Variants in PLXNA2 observed in about 807,000 individuals in gnomAD.
The protein encoded by PLXNA2 is plexin A2.
PLXNA2 carries 91 observed loss-of-function variants against 193.5 expected under a neutral mutation model. The ratio of observed to expected loss-of-function variants is 0.47; its 90% CI spans 0.40 to 0.56. PLXNA2 has a LOEUF of 0.56. Ranked by LOEUF, PLXNA2 falls within the 20% of genes least tolerant of loss-of-function variation. PLXNA2 has a pLI of 0.00. For synonymous variants in PLXNA2, 997 were observed against 1,027.3 expected (o/e 0.97, Z 0.56); for missense variants, 1,995 against 2,503.2 (o/e 0.80, Z 4.33).
chr1:208,240,134 C>T (rs1461865074), intron 1 of PLXNA2, among the ~76,000 whole-genome samples: 1 of 152,220 alleles, frequency 6.6e-6, no homozygotes, highest in Non-Finnish European at 1.5e-5. Context: ...CTCCTCTCCC[C>T]TTACACTCTT....
intron 11 of PLXNA2, among the ~76,000 whole-genome samples, chr1:208,081,967 C>T (rs1666358267): frequency 6.6e-6 from 1 of 152,184 alleles, no homozygotes; most frequent in Non-Finnish European, 1.5e-5. Context: ...CTGGACTCTG[C>T]ATGCTGCTCT....
chr1:208,119,232 G>A (rs1667733344), intron 4 of PLXNA2, among the ~76,000 whole-genome samples: 1 of 152,198 alleles, frequency 6.6e-6, no homozygotes, highest in South Asian at 2.1e-4. Flanking sequence ...CCAGGGGCTT[G>A]GGGTTGGAGG....
chr1:208,122,968 T>C lies in PLXNA2; in HGVS notation c.1506+19361A>G, dbSNP rs1334725857. 3.3e-5 allele frequency among the ~76,000 whole-genome samples: 5 copies of C among 152,180 alleles called. No individual in the cohort carries two copies. The East Asian group carries it at 9.6e-4, about 29-fold the overall frequency. On this transcript the variant is annotated intron_variant, in intron 4 of 31. Coordinates refer to ENST00000367033, the MANE Select transcript of PLXNA2 (RefSeq NM_025179.4). ...CACCAAACTAGATTGCGCAATTCAATGGTGTTTTGTATATTCAGGAACTGT... is the reference window on the plus strand; with the variant it reads ...CACCAAACTAGATTGCGCAATTCAACGGTGTTTTGTATATTCAGGAACTGT...
chr1:208,120,627 C>A (rs1667779195), intron 4 of PLXNA2, among the ~76,000 whole-genome samples: 1 of 152,188 alleles, frequency 6.6e-6, no homozygotes, highest in East Asian at 1.9e-4. Flanking sequence ...TTTGTTTCAG[C>A]CCCTACTTGC....
At chr1:208,130,054 T>G (rs1032437236) in intron 4 of PLXNA2, among the ~76,000 whole-genome samples, 2 of 152,094 alleles carry the variant, frequency 1.3e-5, no homozygotes, top group Non-Finnish European at 2.9e-5. Context: ...CATCACCTGG[T>G]GGGAGTTTCA....
chr1:208,181,015 G>A, intron 3 of PLXNA2, among the ~76,000 whole-genome samples: 1 of 152,246 alleles, frequency 6.6e-6, no homozygotes, highest in East Asian at 1.9e-4. Flanking sequence ...AGTTCACTCA[G>A]TGAGAAACCT....
intron 4 of PLXNA2, among the ~76,000 whole-genome samples, chr1:208,138,529 A>T (rs1452826993): frequency 3.3e-5 from 5 of 152,224 alleles, no homozygotes; most frequent in Admixed American, 1.3e-4. Context: ...TTTCTCTACA[A>T]TGTTGACCCT....
intron 22 of PLXNA2, among the ~76,000 whole-genome samples, chr1:208,041,565 G>A (rs530302687): frequency 7.2e-5 from 11 of 152,322 alleles, no homozygotes; most frequent in South Asian, 4.1e-4. Context: ...GTGCGGTCCC[G>A]TATGGTGGCC....
intron 4 of PLXNA2, among the ~76,000 whole-genome samples, chr1:208,105,066 C>T (rs909307222): frequency 1.3e-5 from 2 of 152,118 alleles, no homozygotes; most frequent in African/African-American, 2.4e-5. Context: ...GCATCAGGGT[C>T]GAGAGAAGCC....
At chr1:208,240,688 T>C (rs1335045) in intron 1 of PLXNA2, among the ~76,000 whole-genome samples, 80,627 of 149,748 alleles carry the variant, frequency 0.54, 21,907 homozygotes, top group African/African-American at 0.63. Flanking sequence ...AGTTTCCCTA[T>C]GGACAGTCAG....
At position 208,039,973 on chromosome 1, in the gene PLXNA2, G is replaced by T. The variant is rs369793757; in HGVS notation, c.4353+19C>A. On this transcript the variant is annotated intron_variant, in intron 23 of 31. Transcript: ENST00000367033. ...CATCCTGCCCTGGACGCTAGGCCCC[G>T]TCTCACTCCCTTTCTCACCTTTAGG... is the stretch of plus-strand genomic sequence containing the variant. 1 of 1,612,616 alleles carries T rather than the reference G, an allele frequency of 6.2e-7. No individual in the cohort carries two copies. The highest frequency in any genetic ancestry group is 8.5e-7 in the Non-Finnish European group (1 of 1,178,650).
chr1:208,064,788 G>T (rs998872183), intron 12 of PLXNA2, among the ~76,000 whole-genome samples: 1 of 152,038 alleles, frequency 6.6e-6, no homozygotes, highest in Non-Finnish European at 1.5e-5. Flanking sequence ...TGGTGACAAA[G>T]AATTTCTTCT....
At chr1:208,215,244 C>T (rs1168726090) in intron 2 of PLXNA2, among the ~76,000 whole-genome samples, 3 of 152,196 alleles carry the variant, frequency 2.0e-5, no homozygotes, top group Non-Finnish European at 4.4e-5. Context: ...AATCTGCCTA[C>T]CTTAGCCTGC....
intron 4 of PLXNA2, among the ~76,000 whole-genome samples, chr1:208,125,782 A>G (rs552005839): frequency 6.6e-6 from 1 of 152,258 alleles, no homozygotes; most frequent in Non-Finnish European, 1.5e-5. Flanking sequence ...TGGCCCTGGG[A>G]GGGGATAGGC....
At chr1:208,078,503 AC>A (rs900747373) in intron 12 of PLXNA2, among the ~76,000 whole-genome samples, 4 of 152,172 alleles carry the variant, frequency 2.6e-5, no homozygotes, top group Admixed American at 2.6e-4. Context: ...ATCACTGGGT[AC>A]CTGCCTGGGC....
chr1:208,225,313 GT>G (rs997948663), intron 1 of PLXNA2, among the ~76,000 whole-genome samples: 12 of 152,150 alleles, frequency 7.9e-5, no homozygotes, highest in Middle Eastern at 3.4e-3. Context: ...TTTTGGTTTG[GT>G]TTTTTTGAGA....
chr1:208,033,222 C>A, intron 28 of PLXNA2, 97 bp downstream of exon 28: 1 of 1,198,832 alleles, frequency 8.3e-7, no homozygotes, highest in Non-Finnish European at 1.2e-6. Flanking sequence ...AATGGGTCCT[C>A]TTGAAGGACA....
Position 208,082,520 on chromosome 1 carries a change from C to T in PLXNA2, c.2299-12G>A, listed in dbSNP as rs371445388. The T allele has an allele frequency of 6.3e-5, 102 of 1,607,576 alleles. No individual in the cohort carries two copies. The highest frequency in any genetic ancestry group is 4.1e-4 in the African/African-American group (31 of 74,748). On this transcript the variant is annotated splice_polypyrimidine_tract_variant and intron_variant, in intron 10 of 31. Coordinates refer to ENST00000367033, the MANE Select transcript of PLXNA2 (RefSeq NM_025179.4). The surrounding 1 kb of genome is among the most constrained non-coding windows in gnomAD (Gnocchi z 4.2). ...CCATCATACTGGTACTATAGGGAGA[C>T]GGGCAGAGGCATGGGGCTCATGTGG...
In PLXNA2 at chr1:208,045,941, G is replaced by A. The variant is rs781228762; in HGVS notation, c.3432C>T (p.Thr1144=). The A allele has an allele frequency of 9.2e-5, 148 of 1,614,132 alleles. No homozygotes were observed. The highest frequency in any genetic ancestry group is 1.2e-4 in the Non-Finnish European group (142 of 1,180,038). Residue 1144 remains threonine (T), a synonymous_variant, in exon 18 of 32, where the codon ACC becomes ACT. Transcript: ENST00000367033. The stretch of plus-strand genomic sequence containing the variant: ...CTCCAGTAGGGCTAAGCAGTTCAAA[G>A]GTCGGGTTGGGGTAGTAGATAAACT... The part of the protein sequence containing the change: ...DTKFIYYPNP[T]FELLSPTGVL...
Sources: gnomAD v4.1 joint callset for allele counts (sites outside exome capture counted in the v4.1 genomes callset) on GRCh38, gnomAD v4.1.1 for gene constraint, Gnocchi (gnomAD v3.1) non-coding constraint, MANE v1.5 for transcripts, NCBI Gene and HGNC (gene_info 2026-07-23, HGNC 2026-07-21) for gene names.